The following WDR90 variants were observed in gnomAD, a reference collection of about 807,000 sequenced individuals.
WDR90 encodes WD repeat domain 90.
In WDR90, 238 loss-of-function variants were observed where a neutral mutation model predicts 195.2. The observed-to-expected ratio is 1.22, with a 90% CI of 1.10 to 1.36. WDR90 has a LOEUF of 1.36. Among genes scored for constraint, WDR90 ranks in the 40% most tolerant of loss-of-function variants. The pLI, the probability that WDR90 is intolerant of heterozygous loss-of-function variation, is 0.00. For missense variants in WDR90, 2,734 were observed against 2,439.5 expected, an observed-to-expected ratio of 1.12 and a Z score of -2.54; for synonymous variants, 1,265 against 1,052.4, an observed-to-expected ratio of 1.20 and a Z score of -3.91.
chr16:661,352 C>T lies in WDR90; in HGVS notation c.3524C>T (p.Ser1175Phe), dbSNP rs771646999. 3 of 1,603,162 alleles carry T rather than the reference C, an allele frequency of 1.9e-6. No individual in the cohort carries two copies. The highest frequency in any genetic ancestry group is 2.6e-6 in the Non-Finnish European group (3 of 1,176,248). ...ALSHSAQVLASASGRSSTTAH... is the reference protein window; with the variant it reads ...ALSHSAQVLAFASGRSSTTAH... ...CCTCTTGCCTGCCAGGTCCTGGCCT[C>T]TGCCTCGGGCCGAAGCAGCACGACC... The change falls in exon 30 of 41, where the codon TCT becomes TTT. Residue 1175 changes from serine to phenylalanine, a missense_variant. By Grantham distance (155) the Ser-to-Phe change is radical (BLOSUM62 -2). Coordinates refer to ENST00000293879, the MANE Select transcript of WDR90 (RefSeq NM_145294.5).
rs1274706353 is a variant in WDR90, at chr16:658,731, G to A, written c.2895+78G>A. The A allele has an allele frequency of 4.5e-6, 7 of 1,571,648 alleles. No individual in the cohort carries two copies. The East Asian group carries it at 1.6e-4, about 36-fold the overall frequency. ...GCCCTGGAGACCCCTGCAGGTGTGG[G>A]TGGGGGCAGGGAGAGCAGAAGGTGA... On this transcript the variant is annotated intron_variant, in intron 23 of 40. Transcript: ENST00000293879.
intron 34 of WDR90, among the ~76,000 whole-genome samples, chr16:664,205 G>A (rs946966861): frequency 4.6e-5 from 7 of 151,906 alleles, no homozygotes; most frequent in African/African-American, 4.8e-5. Flanking sequence ...AGGAAACCCC[G>A]TGCGTGCCTG....
In WDR90 at chr16:662,707, C is replaced by T; in HGVS notation, c.4174C>T (p.Leu1392=). The T allele has an allele frequency of 6.4e-7, 1 of 1,569,528 alleles. No homozygotes were observed. The change falls in exon 34 of 41, where the codon CTG becomes TTG. Residue 1392 remains leucine, a synonymous_variant. Coordinates refer to ENST00000293879, the MANE Select transcript of WDR90 (RefSeq NM_145294.5). ...SSVFMEHELV[L]DGAVVSASFD... ...TGTGTTCATGGAACACGAGCTGGTG[C>T]TGGACGGGGCTGTGGTGAGTGCCAG...
intron 27 of WDR90, 26 bp from the exon 28 acceptor site, chr16:660,586 C>T: frequency 6.4e-7 from 1 of 1,551,578 alleles, no homozygotes. Context: ...TGGGCCCCAG[C>T]AGCATCCGGG....
At chr16:649,338 C>A, upstream of WDR90, 1 of 1,314,118 alleles carries the variant, frequency 7.6e-7, no homozygotes, top group Non-Finnish European at 9.7e-7. Context: ...CGTTGCCAGG[C>A]AGCCGTTGCC....
Position 665,942 on chromosome 16 carries a change from G to T in WDR90, c.4435-8G>T, listed in dbSNP as rs1216438892. 1 of 1,577,252 alleles carries T rather than the reference G, an allele frequency of 6.3e-7. No homozygotes were observed. The highest frequency in any genetic ancestry group is 8.6e-7 in the Non-Finnish European group (1 of 1,162,260). ...GAGTGCTGAAGTTTCCCCACTGTGG[G>T]TCCCCAGAGCTGCCTCTGCCTGGCA... On this transcript the variant is annotated splice_polypyrimidine_tract_variant and splice_region_variant and intron_variant, in intron 35 of 40. Transcript: ENST00000293879.
chr16:651,370 G>A (rs2151161541), intron 7 of WDR90, 104 bp downstream of exon 7: 1 of 1,335,336 alleles, frequency 7.5e-7, no homozygotes, highest in Non-Finnish European at 1.0e-6. Context: ...TGTGCTGGCT[G>A]CAGCTGGTGC....
intron 35 of WDR90, 69 bp from the exon 36 acceptor site, chr16:665,881 C>A (rs567738570): frequency 6.4e-7 from 1 of 1,553,836 alleles, no homozygotes; most frequent in East Asian, 2.3e-5. Context: ...GCCGCCTCCT[C>A]CCTCTGGCCT....
chr16:657,044 C>T (rs199516573), intron 19 of WDR90, 47 bp from the exon 20 acceptor site: 2 of 1,588,174 alleles, frequency 1.3e-6, no homozygotes, highest in Non-Finnish European at 1.7e-6. Context: ...ACCCATGGTA[C>T]CTGGGCTTCG....
In WDR90 at chr16:661,797, G is replaced by A. The variant is rs780331414; in HGVS notation, c.3864+10G>A. Reference sequence around the variant, plus strand: ...AGACATCAGCCTTCAGGTGCCACCCGTTCAGCGTTTGGGCCCAGGGGTTGT... The same window carrying A: ...AGACATCAGCCTTCAGGTGCCACCCATTCAGCGTTTGGGCCCAGGGGTTGT... On this transcript the variant is annotated intron_variant, in intron 31 of 40. Transcript: ENST00000293879. 29 of 1,591,958 alleles carry A rather than the reference G, an allele frequency of 1.8e-5. No homozygotes were observed. In the East Asian group the frequency reaches 4.3e-4, roughly 23 times the overall value.
intron 18 of WDR90, 61 bp from the exon 19 acceptor site, chr16:656,671 T>G: frequency 3.2e-6 from 5 of 1,579,218 alleles, no homozygotes; most frequent in Non-Finnish European, 4.3e-6. Context: ...TTGGGCCGCC[T>G]GGAGAGCCCC....
Position 652,473 on chromosome 16 carries a change from C to G in WDR90, c.1060C>G (p.Leu354Val). 6.2e-7 allele frequency: 1 copy of G among 1,607,250 alleles called. No homozygotes were observed. Among genetic ancestry groups the G allele is most frequent in the Non-Finnish European group, 8.5e-7 (1 of 1,176,388 alleles). ...ATGCGAATGGCTGTTTCAGGGCTTC[C>G]TCCCAGACCCAGTCCTGAGGCTCAA... Reference protein sequence around the residue: ...VARTGSCEGFLPDPVLRLKGV... With the variant: ...VARTGSCEGFVPDPVLRLKGV... The change falls in exon 10 of 41, where the codon CTC becomes GTC. Residue 354 changes from leucine (L) to valine (V), a missense_variant. Physicochemically the swap from Leu to Val is conservative, Grantham distance 32. Transcript: ENST00000293879.
At chr16:655,516 G>A (rs771703590) in intron 15 of WDR90, 48 bp downstream of exon 15, 6 of 1,543,376 alleles carry the variant, frequency 3.9e-6, no homozygotes, top group Non-Finnish European at 5.2e-6. Context: ...GGGGGCCCTG[G>A]TGCCTGGGCC....
Position 666,662 on chromosome 16 carries a change from C to T in WDR90, c.4885-11C>T, listed in dbSNP as rs370058143. 60 of 1,612,390 alleles carry T rather than the reference C, an allele frequency of 3.7e-5. No individual in the cohort carries two copies. The highest frequency in any genetic ancestry group is 6.7e-5 in the African/African-American group (5 of 75,068). ...CCATCCACCCCACCGCAGCATGCTGCGCCTTTGCAGACTCAGGGCCACCTG... is the reference window on the plus strand; with the variant it reads ...CCATCCACCCCACCGCAGCATGCTGTGCCTTTGCAGACTCAGGGCCACCTG... On this transcript the variant is annotated splice_polypyrimidine_tract_variant and intron_variant, in intron 38 of 40. Coordinates refer to ENST00000293879, the MANE Select transcript of WDR90 (RefSeq NM_145294.5).
chr16:666,177 A>T (rs1214509345), intron 36 of WDR90, 43 bp from the exon 37 acceptor site: 5 of 1,606,212 alleles, frequency 3.1e-6, no homozygotes, highest in Non-Finnish European at 3.4e-6. Flanking sequence ...GCCCAGGTCC[A>T]GTCTCCGGGC....
At position 661,995 on chromosome 16, in the gene WDR90, C is replaced by T; in HGVS notation, c.3969C>T (p.Val1323=). 3 of 1,605,178 alleles carry T rather than the reference C, an allele frequency of 1.9e-6. No individual in the cohort carries two copies. Among genetic ancestry groups the T allele is most frequent in the South Asian group, 2.2e-5 (2 of 91,086 alleles). ...ATTGTGGCACCAGCTCTGGCCAGGT[C>T]TGTGTCTGGGACACGCGTGCCGGCC... The part of the protein sequence containing the change: ...LLYCGTSSGQ[V]CVWDTRAGRC... The change falls in exon 32 of 41, where the codon GTC becomes GTT. Residue 1323 remains valine (V), a synonymous_variant. Coordinates refer to ENST00000293879, the MANE Select transcript of WDR90 (RefSeq NM_145294.5).
At chr16:653,695 G>A in intron 12 of WDR90, 25 bp downstream of exon 12, 1 of 1,613,168 alleles carries the variant, frequency 6.2e-7, no homozygotes, top group Non-Finnish European at 8.5e-7. Context: ...GCCCCATGCA[G>A]GGGGAGGGGG....
Position 649,402 on chromosome 16 carries a change from T to C in WDR90, c.-15T>C. 1 of 1,316,798 alleles carries C rather than the reference T, an allele frequency of 7.6e-7. No homozygotes were observed. The allele number at this position is 1,316,798 out of a possible 1,614,324, so 81.6% of individuals were successfully genotyped here. The stretch of plus-strand genomic sequence containing the variant: ...GCGCGCGGAGGCCTAGGCGGGAAGC[T>C]CGAGCGGCGGCGCCATGGCCCGAGG... On this transcript the variant is annotated 5_prime_UTR_variant, in exon 1 of 41. Transcript: ENST00000293879.
rs1362766328 is a variant in WDR90 at position 665,661 on chromosome 16, A to C, written c.4312-18A>C. On this transcript the variant is annotated intron_variant, in intron 34 of 40. Coordinates refer to ENST00000293879, the MANE Select transcript of WDR90 (RefSeq NM_145294.5). ...GCCCAGGGGCCAACACCCCCAGCCT[A>C]GCTACGGCTTCCCCCAGGTGAACGA... 1 of 1,612,388 alleles carries C rather than the reference A, an allele frequency of 6.2e-7. No individual in the cohort carries two copies. Among genetic ancestry groups the C allele is most frequent in the Non-Finnish European group, 8.5e-7 (1 of 1,179,884 alleles).
Sources: gnomAD v4.1 joint callset for allele counts (sites outside exome capture counted in the v4.1 genomes callset) on GRCh38, gnomAD v4.1.1 for gene constraint, MANE v1.5 for transcripts, NCBI Gene and HGNC (gene_info 2026-07-23, HGNC 2026-07-21) for gene names.